Variants in ATP8B4 observed in about 807,000 individuals in gnomAD.
ATP8B4 encodes the protein probable phospholipid-transporting ATPase IM.
ATP8B4 carries 133 observed loss-of-function variants against 145.6 expected under a neutral mutation model. The ratio of observed to expected loss-of-function variants is 0.91; its 90% CI spans 0.79 to 1.05. The LOEUF (loss-of-function observed/expected upper bound fraction) is 1.05. Ranked by LOEUF, ATP8B4 falls within the 50% of genes least tolerant of loss-of-function variation. The pLI is 0.00. For synonymous variants in ATP8B4, 507 were observed against 492.9 expected (o/e 1.03, Z -0.38); for missense variants, 1,458 against 1,425.2 (o/e 1.02, Z -0.37).
At chr15:50,104,766 T>G (rs964263800) in intron 2 of ATP8B4, among the ~76,000 whole-genome samples, 1 of 151,746 alleles carries the variant, frequency 6.6e-6, no homozygotes, top group Admixed American at 6.6e-5. Flanking sequence ...AAAAAGATAC[T>G]TGCACACGCA....
intron 3 of ATP8B4, among the ~76,000 whole-genome samples, chr15:50,058,662 G>A (rs1406503191): frequency 1.3e-5 from 2 of 152,158 alleles, no homozygotes; most frequent in African/African-American, 4.8e-5. Flanking sequence ...CAGATGGAAA[G>A]TACATGCAGT....
At chr15:49,941,633 T>C (rs1307591845) in intron 14 of ATP8B4, among the ~76,000 whole-genome samples, 1 of 152,156 alleles carries the variant, frequency 6.6e-6, no homozygotes, top group Admixed American at 6.6e-5. Context: ...ACAATATGGA[T>C]ATTTCTCCAA....
In ATP8B4 at chr15:50,086,686, AAAAT is replaced by A. The variant is rs1280077168; in HGVS notation, c.29-12505_29-12502del. Among the ~76,000 whole-genome samples the A allele has an allele frequency of 1.9e-4, 20 of 108,000 alleles. 1 individual carries two copies. The East Asian group carries it at 5.1e-3, about 28-fold the overall frequency. The allele number at this position is 108,000 out of a possible 152,430, so 70.9% of individuals were successfully genotyped here. A position where few individuals can be genotyped will look rare whatever the true frequency, so the allele number is the denominator to read the frequency against. ...GAGATCTATATTTATTATATATAAT[AAAAT>A]AATAGAGATCTATATTATTATATAT... On this transcript the variant is annotated intron_variant, in intron 2 of 27. Coordinates refer to ENST00000284509, the MANE Select transcript of ATP8B4 (RefSeq NM_024837.4).
chr15:50,113,920 C>T (rs1441622108), intron 1 of ATP8B4, among the ~76,000 whole-genome samples: 2 of 144,018 alleles, frequency 1.4e-5, no homozygotes, highest in Non-Finnish European at 3.0e-5. Context: ...CGTGCCTCAA[C>T]AATAAATTAT....
intron 1 of ATP8B4, among the ~76,000 whole-genome samples, chr15:50,125,356 T>G (rs1232414177): frequency 6.6e-6 from 1 of 152,212 alleles, no homozygotes; most frequent in Admixed American, 6.5e-5. Context: ...CCTTTTAGTC[T>G]GTCCTCCAGG....
chr15:50,074,977 G>A (rs1424207042), intron 2 of ATP8B4, among the ~76,000 whole-genome samples: 3 of 152,170 alleles, frequency 2.0e-5, no homozygotes, highest in Non-Finnish European at 2.9e-5. Context: ...TATGAGAAAA[G>A]AGTCAGCAAG....
intron 2 of ATP8B4, among the ~76,000 whole-genome samples, chr15:50,079,193 A>T (rs146235749): frequency 3.9e-5 from 6 of 152,314 alleles, no homozygotes; most frequent in African/African-American, 1.4e-4. Flanking sequence ...TGTATAACCC[A>T]TAAATAGATA....
chr15:50,173,086 C>T (rs2044709709), intron 1 of ATP8B4, among the ~76,000 whole-genome samples: 1 of 149,264 alleles, frequency 6.7e-6, no homozygotes, highest in Non-Finnish European at 1.5e-5. Flanking sequence ...GGGGGGCAGC[C>T]CCCGCCCAGC....
rs114868476 is a variant in ATP8B4, at chr15:49,865,689, G to A, written c.3166+657C>T. Among the ~76,000 whole-genome samples, 1,105 of 152,324 alleles carry A rather than the reference G, an allele frequency of 7.3e-3. 11 individuals carry two copies. The highest frequency in any genetic ancestry group is 0.025 in the African/African-American group (1,059 of 41,562). ...AATCCCTACTTCTCGATGACCAGAG[G>A]TCACAGAAGTCTTCTGTGTTGCTTG... On this transcript the variant is annotated intron_variant, in intron 26 of 27. Transcript: ENST00000284509.
chr15:49,916,123 A>G (rs2039713643), intron 20 of ATP8B4, among the ~76,000 whole-genome samples: 1 of 152,120 alleles, frequency 6.6e-6, no homozygotes, highest in African/African-American at 2.4e-5. Flanking sequence ...TACAAGCAGC[A>G]AGCAAGCAAA....
At chr15:50,012,225 G>C (rs1369523658) in intron 6 of ATP8B4, among the ~76,000 whole-genome samples, 2 of 152,164 alleles carry the variant, frequency 1.3e-5, no homozygotes, top group South Asian at 2.1e-4. Flanking sequence ...ATTTCTCCTA[G>C]AGACACCTCC....
At chr15:50,138,401 CAGAG>C (rs68080437) in intron 1 of ATP8B4, among the ~76,000 whole-genome samples, 70,443 of 144,950 alleles carry the variant, frequency 0.49, 18,585 homozygotes, top group African/African-American at 0.72. Flanking sequence ...GACAGACAGA[CAGAG>C]AGATGATAGA....
intron 3 of ATP8B4, among the ~76,000 whole-genome samples, chr15:50,048,528 T>C (rs934796364): frequency 5.3e-5 from 8 of 151,646 alleles, no homozygotes; most frequent in Non-Finnish European, 7.4e-5. Context: ...GCCAACAAGA[T>C]GAAACCCCCT....
At chr15:50,077,345 G>A (rs1018683314) in intron 2 of ATP8B4, among the ~76,000 whole-genome samples, 5 of 152,156 alleles carry the variant, frequency 3.3e-5, no homozygotes, top group Non-Finnish European at 5.9e-5. Context: ...CATTTTTTAA[G>A]ATTGAAAACA....
At chr15:50,049,594 T>TA (rs1567265568) in intron 3 of ATP8B4, among the ~76,000 whole-genome samples, 1 of 152,220 alleles carries the variant, frequency 6.6e-6, no homozygotes, top group East Asian at 1.9e-4. Flanking sequence ...CTATTGTAAA[T>TA]AGTGCCGTAA....
At chr15:49,946,684 T>TA (rs1242169652) in intron 14 of ATP8B4, among the ~76,000 whole-genome samples, 1 of 152,096 alleles carries the variant, frequency 6.6e-6, no homozygotes, top group Admixed American at 6.5e-5. Flanking sequence ...CCTCCTAACT[T>TA]ATTATACCCT....
At chr15:50,079,806 A>G (rs2054425960) in intron 2 of ATP8B4, among the ~76,000 whole-genome samples, 1 of 152,212 alleles carries the variant, frequency 6.6e-6, no homozygotes, top group Non-Finnish European at 1.5e-5. Context: ...ATTTCTATCA[A>G]CTTCACTGTA....
chr15:49,876,246 T>C, intron 25 of ATP8B4, 32 bp downstream of exon 25: 2 of 1,601,886 alleles, frequency 1.2e-6, no homozygotes, highest in Non-Finnish European at 1.7e-6. Context: ...TGTAAACCCA[T>C]CAAGTTAAGG....
chr15:50,092,618 A>G (rs549757083), intron 2 of ATP8B4, among the ~76,000 whole-genome samples: 1 of 152,166 alleles, frequency 6.6e-6, no homozygotes, highest in Admixed American at 6.5e-5. Context: ...AAACAGCAAC[A>G]TAGGGTAATA....
Sources: allele counts gnomAD v4.1 joint callset (sites outside exome capture counted in the v4.1 genomes callset), GRCh38; gene constraint gnomAD v4.1.1; transcripts MANE v1.5; gene names NCBI Gene and HGNC (gene_info 2026-07-23, HGNC 2026-07-21).